MPDZ: variants seen among roughly 807,000 people sequenced by gnomAD.
The protein encoded by MPDZ is multiple PDZ domain crumbs cell polarity complex component.
A neutral mutation model predicts 239.1 loss-of-function variants in MPDZ; 234 were observed. The ratio of observed to expected loss-of-function variants is 0.98; its 90% CI spans 0.88 to 1.09. The LOEUF is 1.09. Ranked by LOEUF, MPDZ falls within the 50% of genes least tolerant of loss-of-function variation. The pLI is 0.00. For missense variants in MPDZ, 3,175 were observed against 2,510.0 expected, an observed-to-expected ratio of 1.26 and a Z score of -5.66; for synonymous variants, 1,048 against 881.3, an observed-to-expected ratio of 1.19 and a Z score of -3.35.
intron 1 of MPDZ, among the ~76,000 whole-genome samples, chr9:13,275,789 T>G (rs139344728): frequency 1.6e-4 from 24 of 152,332 alleles, no homozygotes; most frequent in African/African-American, 5.8e-4. Flanking sequence ...CCTTTTCCCC[T>G]GGGCACAAAT....
At chr9:13,116,727 A>T (rs188239247) in intron 39 of MPDZ, among the ~76,000 whole-genome samples, 3 of 152,336 alleles carry the variant, frequency 2.0e-5, no homozygotes, top group Admixed American at 2.0e-4. Flanking sequence ...TATTTAAAAA[A>T]GTGTTAATTT....
At chr9:13,194,452 A>C (rs941181051) in intron 13 of MPDZ, among the ~76,000 whole-genome samples, 5 of 152,126 alleles carry the variant, frequency 3.3e-5, no homozygotes, top group African/African-American at 1.2e-4. Context: ...AGGAACAGAA[A>C]ACCAAACACC....
At position 13,125,277 on chromosome 9, in the gene MPDZ, CT is replaced by C. The variant is rs1944952970; in HGVS notation, c.4745del (p.Lys1582ArgfsTer7). The C allele has an allele frequency of 2.5e-6, 4 of 1,613,366 alleles. No individual in the cohort carries two copies. Among genetic ancestry groups the C allele is most frequent in the East Asian group, 2.2e-5 (1 of 44,878 alleles). On this transcript the variant is annotated frameshift_variant, in exon 35 of 47. Coordinates refer to ENST00000319217, the MANE Select transcript of MPDZ (RefSeq NM_001378778.1). LOFTEE classifies it high-confidence loss of function. ...SAAGAASGEK[K>X]NSSQSLMVPQ... ...GGACCATCAGAGACTGGGAGCTGTT[CT>C]TTTTTTCTCCACTGGCTGCACCAGC...
At chr9:13,214,432 G>A (rs968895195) in intron 10 of MPDZ, among the ~76,000 whole-genome samples, 2 of 151,892 alleles carry the variant, frequency 1.3e-5, no homozygotes, top group Non-Finnish European at 2.9e-5. Flanking sequence ...GGGGGAGAAG[G>A]TGACTGCTAA....
Position 13,196,164 on chromosome 9 carries a change from A to T in MPDZ, c.1613T>A (p.Leu538Gln). Reference protein sequence around the residue: ...EDAQKQEAALLTKWQRIMGIN... With the variant: ...EDAQKQEAALQTKWQRIMGIN... ...TCCCATAATCCTTTGCCATTTTGTC[A>T]GCAGAGCAGCTTCTTGTTTTTGTGC... The change falls in exon 13 of 47, where the codon CTG becomes CAG. Residue 538 changes from leucine to glutamine, a missense_variant. Physicochemically the swap from Leu to Gln is moderately radical, Grantham distance 113. Coordinates refer to ENST00000319217, the MANE Select transcript of MPDZ (RefSeq NM_001378778.1). The T allele has an allele frequency of 6.2e-7, 1 of 1,603,666 alleles. No individual in the cohort carries two copies. Among genetic ancestry groups the T allele is most frequent in the African/African-American group, 1.3e-5 (1 of 74,998 alleles).
chr9:13,219,859 AATAAT>A lies in MPDZ; in HGVS notation c.877-96_877-92del, dbSNP rs1265809826. The A allele has an allele frequency of 2.9e-5, 36 of 1,252,126 alleles. No individual in the cohort carries two copies. In the Admixed American group the frequency reaches 7.2e-4, roughly 25 times the overall value. The allele number at this position is 1,252,126 out of a possible 1,614,324, so 77.6% of individuals were successfully genotyped here. Reference sequence around the variant, plus strand: ...GAGAAGGGATTAATTTTAGAAAAGCAATAATATGAGTTACCAATCAGGACATAAAA... The same window carrying A: ...GAGAAGGGATTAATTTTAGAAAAGCAATGAGTTACCAATCAGGACATAAAA... On this transcript the variant is annotated intron_variant, in intron 7 of 46. Coordinates refer to ENST00000319217, the MANE Select transcript of MPDZ (RefSeq NM_001378778.1).
chr9:13,262,220 T>C (rs1229676763), intron 1 of MPDZ, among the ~76,000 whole-genome samples: 1 of 151,964 alleles, frequency 6.6e-6, no homozygotes, highest in Non-Finnish European at 1.5e-5. Flanking sequence ...CCCAGCACTT[T>C]GGGAGGGCAA....
rs1944967078 is a variant in MPDZ, at chr9:13,125,399, G to T, written c.4633-9C>A. ...TTCAGAAGGCTAATAAACTGGCAGG[G>T]TGTATGTGTGGAAGAGAAACAAAAT... On this transcript the variant is annotated splice_polypyrimidine_tract_variant and intron_variant, in intron 34 of 46. Coordinates refer to ENST00000319217, the MANE Select transcript of MPDZ (RefSeq NM_001378778.1). The T allele has an allele frequency of 2.5e-6, 4 of 1,611,026 alleles. No homozygotes were observed.
At chr9:13,251,641 G>A (rs1218274844) in intron 1 of MPDZ, among the ~76,000 whole-genome samples, 1 of 152,130 alleles carries the variant, frequency 6.6e-6, no homozygotes, top group Non-Finnish European at 1.5e-5. Flanking sequence ...AGAACAAGTC[G>A]CCTCCTGTTA....
At chr9:13,192,405 T>A in intron 14 of MPDZ, 110 bp from the exon 15 acceptor site, 8 of 936,136 alleles carry the variant, frequency 8.5e-6, no homozygotes, top group South Asian at 1.8e-5. Context: ...TACCACAGTT[T>A]ACTGTGCTCA....
intron 1 of MPDZ, among the ~76,000 whole-genome samples, chr9:13,256,467 C>A (rs1266441920): frequency 2.6e-5 from 4 of 152,154 alleles, no homozygotes; most frequent in African/African-American, 9.7e-5. Context: ...TTAATTATTT[C>A]TAGCTTTTGG....
intron 21 of MPDZ, among the ~76,000 whole-genome samples, chr9:13,171,173 A>C (rs1951731210): frequency 6.6e-6 from 1 of 152,198 alleles, no homozygotes; most frequent in Non-Finnish European, 1.5e-5. Context: ...TAGTACTTTG[A>C]AAATACCTGA....
intron 12 of MPDZ, among the ~76,000 whole-genome samples, chr9:13,200,741 A>G (rs958609932): frequency 2.0e-5 from 3 of 151,992 alleles, no homozygotes; most frequent in African/African-American, 4.8e-5. Flanking sequence ...TCTGTTATTG[A>G]TATCTAGTTT....
intron 23 of MPDZ, among the ~76,000 whole-genome samples, chr9:13,159,224 T>C (rs1950182620): frequency 6.6e-6 from 1 of 152,190 alleles, no homozygotes; most frequent in Non-Finnish European, 1.5e-5. Flanking sequence ...TCCAAGAACA[T>C]CTCATTCTTT....
In MPDZ at chr9:13,236,251, A is replaced by G. The variant is rs61180387; in HGVS notation, c.183+11384T>C. On this transcript the variant is annotated intron_variant, in intron 3 of 46. Coordinates refer to ENST00000319217, the MANE Select transcript of MPDZ (RefSeq NM_001378778.1). Reference sequence around the variant, plus strand: ...TATATGTATATGTGTGTGTGTGTGTATATATATATATATATATTTTTTTTT... The same window carrying G: ...TATATGTATATGTGTGTGTGTGTGTGTATATATATATATATATTTTTTTTT... Among the ~76,000 whole-genome samples, 53 of 5,980 alleles carry G rather than the reference A, an allele frequency of 8.9e-3. 4 individuals are homozygous for G. Among genetic ancestry groups the G allele is most frequent in the South Asian group, 0.029 (2 of 70 alleles). The allele number at this position is 5,980 out of a possible 152,430, so 3.9% of individuals were successfully genotyped here.
rs985814859 is a variant in MPDZ at position 13,122,323 on chromosome 9, G to A, written c.4954-153C>T. 2.0e-5 allele frequency among the ~76,000 whole-genome samples: 3 copies of A among 152,086 alleles called. No homozygotes were observed. The East Asian group carries it at 5.8e-4, about 29-fold the overall frequency. On this transcript the variant is annotated intron_variant, in intron 36 of 46. Coordinates refer to ENST00000319217, the MANE Select transcript of MPDZ (RefSeq NM_001378778.1). Reference sequence around the variant, plus strand: ...CAAGCTCCATATAATTCAAGGGAAAGTGTAACAACAATTTTTGCTAAAAGG... The same window carrying A: ...CAAGCTCCATATAATTCAAGGGAAAATGTAACAACAATTTTTGCTAAAAGG...
At chr9:13,232,527 C>T (rs1436426692) in intron 3 of MPDZ, among the ~76,000 whole-genome samples, 3 of 151,918 alleles carry the variant, frequency 2.0e-5, no homozygotes, top group Non-Finnish European at 4.4e-5. Flanking sequence ...TTCTACCTCA[C>T]ACCACATTCA....
rs1244414393 is a variant in MPDZ at position 13,109,093 on chromosome 9, T to TC, written c.5943-35_5943-34insG. 6.0e-6 allele frequency: 8 copies of TC among 1,335,396 alleles called. No individual in the cohort carries two copies. In the East Asian group the frequency reaches 2.3e-4, roughly 38 times the overall value. 82.7% of individuals were successfully genotyped at this position (1,335,396 alleles called of 1,614,324 possible). A position where few individuals can be genotyped will look rare whatever the true frequency, so the allele number is the denominator to read the frequency against. On this transcript the variant is annotated intron_variant, in intron 45 of 46. Coordinates refer to ENST00000319217, the MANE Select transcript of MPDZ (RefSeq NM_001378778.1). ...AAGGAAAGGAAAAAGAGGTTTTAAATTAAAAAAAAAAAACTATACATATAT... is the reference window on the plus strand; with the variant it reads ...AAGGAAAGGAAAAAGAGGTTTTAAATCTAAAAAAAAAAAACTATACATATAT...
rs564953990 is a variant in MPDZ at position 13,222,891 on chromosome 9, G to C, written c.534-445C>G. Among the ~76,000 whole-genome samples, 363 of 150,958 alleles carry C rather than the reference G, an allele frequency of 2.4e-3. 1 individual carries two copies. Among genetic ancestry groups the C allele is most frequent in the African/African-American group, 7.8e-3 (318 of 40,692 alleles). ...TCCCCAACTGGGGATCACATCCATA[G>C]ATTAGATCCCCAACTGGGGATCACA... On this transcript the variant is annotated intron_variant, in intron 5 of 46. Transcript: ENST00000319217.
Sources: allele counts gnomAD v4.1 joint callset (sites outside exome capture counted in the v4.1 genomes callset), GRCh38; gene constraint gnomAD v4.1.1; transcripts MANE v1.5; gene names NCBI Gene and HGNC (gene_info 2026-07-23, HGNC 2026-07-21).